The following ERF variants were observed in gnomAD, a reference collection of about 807,000 sequenced individuals.
The protein encoded by ERF is ETS domain-containing transcription factor ERF.
ERF carries 10 observed loss-of-function variants against 41.6 expected under a neutral mutation model. The ratio of observed to expected loss-of-function variants is 0.24; its 90% CI spans 0.15 to 0.41. The LOEUF (loss-of-function observed/expected upper bound fraction) is 0.41. Among genes scored for constraint, ERF ranks in the 10% least tolerant of loss-of-function variants. The pLI is 1.00. For synonymous variants in ERF, 395 were observed against 342.4 expected, an observed-to-expected ratio of 1.15 and a Z score of -1.70; for missense variants, 621 against 763.2, an observed-to-expected ratio of 0.81 and a Z score of 2.19.
At chr19:42,251,282 G>A (rs2036441118) in intron 1 of ERF, 4 of 986,030 alleles carry the variant, frequency 4.1e-6, no homozygotes, top group Non-Finnish European at 4.8e-6. Context: ...CCCAGCCCAG[G>A]CCTGGAGCTT....
chr19:42,254,950 C>G (rs761558875), intron 1 of ERF, 28 bp downstream of exon 1: 1 of 1,513,374 alleles, frequency 6.6e-7, no homozygotes. Flanking sequence ...CAACAAGTCT[C>G]CCCCACACGT....
At position 42,249,499 on chromosome 19, in the gene ERF, G is replaced by C. The variant is rs763963171; in HGVS notation, c.613C>G (p.Arg205Gly). The C allele has an allele frequency of 6.2e-7, 1 of 1,611,862 alleles. No individual in the cohort carries two copies. Residue 205 changes from arginine (R) to glycine (G), a missense_variant, in exon 4 of 4, where the codon CGC becomes GGC. Coordinates refer to ENST00000222329, the MANE Select transcript of ERF (RefSeq NM_006494.4). The surrounding 1 kb of genome is among the most constrained non-coding windows in gnomAD (Gnocchi z 8.6). ...TCCGGAGGGCCGGGTGGTCGGGCGC[G>C]GGGATCCTCTCCCAGCGGTTCCTCC... is the stretch of plus-strand genomic sequence containing the variant. ...ELEEPLGEDP[R>G]ARPPGPPDLG... is the part of the protein sequence containing the mutation.
intron 1 of ERF, chr19:42,253,829 TCGGGGCACACACCCGCA>T: frequency 1.0e-6 from 1 of 1,001,308 alleles, no homozygotes; most frequent in Non-Finnish European, 1.2e-6. Context: ...GGTGGGCCGG[TCGGGGCACACACCCGCA>T]CACAGGAGCC....
intron 1 of ERF, 105 bp downstream of exon 1, chr19:42,254,873 G>T: frequency 7.6e-7 from 1 of 1,307,570 alleles, no homozygotes; most frequent in Non-Finnish European, 1.0e-6. Flanking sequence ...CCCCAGAACT[G>T]GGGATCACTC....
In ERF at chr19:42,248,922, G is replaced by A. The variant is rs1483747782; in HGVS notation, c.1190C>T (p.Ala397Val). 6.2e-7 allele frequency: 1 copy of A among 1,607,006 alleles called. No homozygotes were observed. ...RQRAAGEKAVAGADKSGGSAG... is the reference protein window; with the variant it reads ...RQRAAGEKAVVGADKSGGSAG... ...ACTGCCACCGCTCTTGTCAGCACCG[G>A]CTACGGCCTTCTCCCCAGCTGCCCG... The change falls in exon 4 of 4, where the codon GCC becomes GTC. Residue 397 changes from alanine (A) to valine (V), a missense_variant. Ala to Val is a moderately conservative substitution (Grantham distance 64). Coordinates refer to ENST00000222329, the MANE Select transcript of ERF (RefSeq NM_006494.4). This position sits in a 1 kb window ranked among gnomAD's most constrained non-coding sequence, Gnocchi z 4.2.
chr19:42,248,113 A>C lies in ERF; in HGVS notation c.*352T>G, dbSNP rs906296254. 2.8e-5 allele frequency: 6 copies of C among 211,996 alleles called. No homozygotes were observed. The highest frequency in any genetic ancestry group is 5.5e-5 in the Non-Finnish European group (6 of 108,140). The allele number at this position is 211,996 out of a possible 1,614,324, so 13.1% of individuals were successfully genotyped here. A position where few individuals can be genotyped will look rare whatever the true frequency, so the allele number is the denominator to read the frequency against. On this transcript the variant is annotated 3_prime_UTR_variant, in exon 4 of 4. Coordinates refer to ENST00000222329, the MANE Select transcript of ERF (RefSeq NM_006494.4). This position sits in a 1 kb window ranked among gnomAD's most constrained non-coding sequence, Gnocchi z 4.2. ...GGAGGGAGACAAGGCTTTACTTCCTAAGCGATTGTAATAGAAAAGTTCCTG... is the reference window on the plus strand; with the variant it reads ...GGAGGGAGACAAGGCTTTACTTCCTCAGCGATTGTAATAGAAAAGTTCCTG...
At position 42,249,329 on chromosome 19, in the gene ERF, G is replaced by T. The variant is rs1191384185; in HGVS notation, c.783C>A (p.Pro261=). 2 of 1,587,454 alleles carry T rather than the reference G, an allele frequency of 1.3e-6. No individual in the cohort carries two copies. The highest frequency in any genetic ancestry group is 8.6e-7 in the Non-Finnish European group (1 of 1,167,226). The stretch of plus-strand genomic sequence containing the variant: ...TGGGCAGAGCCGGGGAGAGCTGAGG[G>T]GGCAGCAGGGATCCAGGACCGGCCA... The part of the protein sequence containing the change: ...SPLAGPGSLL[P]PQLSPALPMT... The change falls in exon 4 of 4, where the codon CCC becomes CCA. Residue 261 remains proline, a synonymous_variant. Coordinates refer to ENST00000222329, the MANE Select transcript of ERF (RefSeq NM_006494.4). The surrounding 1 kb of genome is among the most constrained non-coding windows in gnomAD (Gnocchi z 8.6).
At position 42,250,489 on chromosome 19, in the gene ERF, G is replaced by A. The variant is rs751996940; in HGVS notation, c.99C>T (p.Ile33=). Residue 33 remains isoleucine, a synonymous_variant, in exon 2 of 4, where the codon ATC becomes ATT. Transcript: ENST00000222329. The surrounding 1 kb of genome is among the most constrained non-coding windows in gnomAD (Gnocchi z 5.1). ...GSRQIQLWHF[I]LELLRKEEYQ... ...ACTCCTCCTTCCGCAGCAGCTCCAG[G>A]ATAAAGTGCCACAGCTGGATCTGCC... The A allele has an allele frequency of 7.4e-6, 12 of 1,613,594 alleles. No individual in the cohort carries two copies. In the African/African-American group the frequency reaches 1.2e-4, roughly 16 times the overall value.
At chr19:42,251,897 C>A (rs948851901) in intron 1 of ERF, among the ~76,000 whole-genome samples, 1 of 152,070 alleles carries the variant, frequency 6.6e-6, no homozygotes, top group African/African-American at 2.4e-5. Context: ...TACCACATAG[C>A]CCCCGGAGTC....
Position 42,249,492 on chromosome 19 carries a change from C to G in ERF, c.620G>C (p.Arg207Pro). 6.2e-7 allele frequency: 1 copy of G among 1,609,970 alleles called. No homozygotes were observed. The highest frequency in any genetic ancestry group is 8.5e-7 in the Non-Finnish European group (1 of 1,178,724). Residue 207 changes from arginine (R) to proline (P), a missense_variant, in exon 4 of 4, where the codon CGA becomes CCA. Transcript: ENST00000222329. This position sits in a 1 kb window ranked among gnomAD's most constrained non-coding sequence, Gnocchi z 8.6. ...ACCCAGATCCGGAGGGCCGGGTGGTCGGGCGCGGGGATCCTCTCCCAGCGG... is the reference window on the plus strand; with the variant it reads ...ACCCAGATCCGGAGGGCCGGGTGGTGGGGCGCGGGGATCCTCTCCCAGCGG... ...EEPLGEDPRA[R>P]PPGPPDLGAF... is the part of the protein sequence containing the mutation.
intron 1 of ERF, among the ~76,000 whole-genome samples, chr19:42,254,176 C>T (rs2036495647): frequency 6.8e-6 from 1 of 146,770 alleles, no homozygotes; most frequent in African/African-American, 2.5e-5. Flanking sequence ...AAGAGAGGGG[C>T]GGAGGGAAGA....
At chr19:42,253,508 G>A (rs1263450302) in intron 1 of ERF, among the ~76,000 whole-genome samples, 2 of 152,164 alleles carry the variant, frequency 1.3e-5, no homozygotes, top group Admixed American at 6.5e-5. Context: ...GCCGGTAGCA[G>A]GGAGAGAAGA....
At chr19:42,253,856 C>G in intron 1 of ERF, 1 of 1,071,562 alleles carries the variant, frequency 9.3e-7, no homozygotes, top group Non-Finnish European at 1.1e-6. Flanking sequence ...ACACAGGAGC[C>G]CGAGCCGCCG....
Position 42,248,280 on chromosome 19 carries a change from G to A in ERF, c.*185C>T, listed in dbSNP as rs965434902. On this transcript the variant is annotated 3_prime_UTR_variant, in exon 4 of 4. Coordinates refer to ENST00000222329, the MANE Select transcript of ERF (RefSeq NM_006494.4). This position sits in a 1 kb window ranked among gnomAD's most constrained non-coding sequence, Gnocchi z 4.2. ...GACAGGGAATAGCCCCTAGCCCTGG[G>A]CACCCACCCACCCCCACCATTTTTA... 9 of 371,484 alleles carry A rather than the reference G, an allele frequency of 2.4e-5. No homozygotes were observed. Among genetic ancestry groups the A allele is most frequent in the Non-Finnish European group, 4.3e-6 (1 of 229,960 alleles). 23.0% of individuals were successfully genotyped at this position (371,484 alleles called of 1,614,324 possible). A position where few individuals can be genotyped will look rare whatever the true frequency, so the allele number is the denominator to read the frequency against.
At chr19:42,251,642 G>A (rs1014565902) in intron 1 of ERF, among the ~76,000 whole-genome samples, 1 of 152,176 alleles carries the variant, frequency 6.6e-6, no homozygotes, top group Middle Eastern at 3.4e-3. Context: ...AAAGATGGGC[G>A]GCTCCCAAAT....
In ERF at chr19:42,253,482, A is replaced by C. The variant is rs1238179973; in HGVS notation, c.22+1496T>G. ...ACAGGGTTGGGGAAGCGACCCGCGG[A>C]TCCTATCAGGCCAAGGCCGGTAGCA... On this transcript the variant is annotated intron_variant, in intron 1 of 3. Transcript: ENST00000222329. Among the ~76,000 whole-genome samples, 5 of 151,906 alleles carry C rather than the reference A, an allele frequency of 3.3e-5. 1 individual carries two copies. The highest frequency in any genetic ancestry group is 3.3e-4 in the Admixed American group (5 of 15,268).
chr19:42,249,350 G>C lies in ERF; in HGVS notation c.762C>G (p.Ala254=), dbSNP rs774421092. The C allele has an allele frequency of 8.9e-6, 14 of 1,577,576 alleles. No individual in the cohort carries two copies. Among genetic ancestry groups the C allele is most frequent in the African/African-American group, 5.4e-5 (4 of 74,412 alleles). The change falls in exon 4 of 4, where the codon GCC becomes GCG. Residue 254 remains alanine (A), a synonymous_variant. Coordinates refer to ENST00000222329, the MANE Select transcript of ERF (RefSeq NM_006494.4). The surrounding 1 kb of genome is among the most constrained non-coding windows in gnomAD (Gnocchi z 8.6). ...GAGGGGGCAGCAGGGATCCAGGACCGGCCAGAGGCGACACAGGGAAGGGGC... is the reference window on the plus strand; with the variant it reads ...GAGGGGGCAGCAGGGATCCAGGACCCGCCAGAGGCGACACAGGGAAGGGGC... ...PLSPFPVSPL[A]GPGSLLPPQL...
intron 1 of ERF, chr19:42,253,983 G>T: frequency 1.0e-6 from 1 of 995,258 alleles, no homozygotes; most frequent in Non-Finnish European, 1.2e-6. Flanking sequence ...ACGGGCAGGG[G>T]GCGGCTGGGA....
chr19:42,249,293 G>A lies in ERF; in HGVS notation c.819C>T (p.Thr273=), dbSNP rs200872722. Residue 273 remains threonine, a synonymous_variant, in exon 4 of 4, where the codon ACC becomes ACT. Transcript: ENST00000222329. The surrounding 1 kb of genome is among the most constrained non-coding windows in gnomAD (Gnocchi z 8.6). ...TGGGCGAGGGAGTGTAGGCCAGGTG[G>A]GTGGGCGTCATGGGCAGAGCCGGGG... is the stretch of plus-strand genomic sequence containing the variant. The part of the protein sequence containing the change: ...QLSPALPMTP[T]HLAYTPSPTL... 1.6e-5 allele frequency: 26 copies of A among 1,602,692 alleles called. No homozygotes were observed. In the East Asian group the frequency reaches 4.1e-4, roughly 25 times the overall value.
Sources: gnomAD v4.1 joint callset for allele counts (sites outside exome capture counted in the v4.1 genomes callset) on GRCh38, gnomAD v4.1.1 for gene constraint, Gnocchi (gnomAD v3.1) non-coding constraint, MANE v1.5 for transcripts, NCBI Gene and HGNC (gene_info 2026-07-23, HGNC 2026-07-21) for gene names.